CDH13: variants seen among roughly 807,000 people sequenced by gnomAD.
The protein encoded by CDH13 is cadherin-13.
In CDH13, 24 loss-of-function variants were observed where a neutral mutation model predicts 63.8. The observed-to-expected ratio is 0.38, with a 90% CI of 0.27 to 0.53. The LOEUF (loss-of-function observed/expected upper bound fraction) is 0.53, where lower values mean the gene tolerates loss of function less well. Among genes scored for constraint, CDH13 ranks in the 20% least tolerant of loss-of-function variants. The pLI, the probability that CDH13 is intolerant of heterozygous loss-of-function variation, is 0.85. For missense variants in CDH13, 1,049 were observed against 903.1 expected (o/e 1.16, Z -2.07); for synonymous variants, 503 against 355.3 (o/e 1.42, Z -4.67).
chr16:83,779,438 A>AAT (rs1915361434), intron 11 of CDH13, among the ~76,000 whole-genome samples: 1 of 143,514 alleles, frequency 7.0e-6, no homozygotes, highest in Non-Finnish European at 1.5e-5. Context: ...AAAAAAAAAA[A>AAT]GTCTTATATA....
chr16:82,686,388 G>T (rs2150968333), intron 1 of CDH13, among the ~76,000 whole-genome samples: 1 of 152,244 alleles, frequency 6.6e-6, no homozygotes, highest in South Asian at 2.1e-4. Flanking sequence ...AAATGCAGAG[G>T]GTCTTAGCAT....
At chr16:83,401,375 A>G (rs536473914) in intron 6 of CDH13, among the ~76,000 whole-genome samples, 1 of 151,566 alleles carries the variant, frequency 6.6e-6, no homozygotes. Flanking sequence ...ATAAAAAATT[A>G]AAAAATTAGC....
intron 10 of CDH13, among the ~76,000 whole-genome samples, chr16:83,706,787 G>T (rs549400264): frequency 6.6e-6 from 1 of 152,184 alleles, no homozygotes; most frequent in Non-Finnish European, 1.5e-5. Context: ...AGCGATCTAG[G>T]TTCCTGGGAT....
At chr16:83,514,940 G>A (rs1003475624) in intron 7 of CDH13, among the ~76,000 whole-genome samples, 1 of 152,154 alleles carries the variant, frequency 6.6e-6, no homozygotes, top group Admixed American at 6.5e-5. Context: ...AGTTACTGCA[G>A]CTCCTGGACA....
intron 4 of CDH13, among the ~76,000 whole-genome samples, chr16:83,197,430 T>C (rs1020740516): frequency 1.3e-5 from 2 of 152,208 alleles, no homozygotes; most frequent in African/African-American, 4.8e-5. Flanking sequence ...AATGTACAAT[T>C]GAATTATTAT....
At chr16:83,495,795 G>C (rs895106584) in intron 7 of CDH13, among the ~76,000 whole-genome samples, 1 of 152,148 alleles carries the variant, frequency 6.6e-6, no homozygotes. Context: ...GTCTTAGATA[G>C]GAATTTGGGC....
chr16:83,160,633 A>C (rs2037408886), intron 4 of CDH13, among the ~76,000 whole-genome samples: 1 of 152,162 alleles, frequency 6.6e-6, no homozygotes, highest in Non-Finnish European at 1.5e-5. Context: ...TAATCCTACA[A>C]ACCTCTCCAG....
rs1567731430 is a variant in CDH13, at chr16:83,000,220, C to CTTTTTTTTTTT, written c.158-31788_158-31787insTTTTTTTTTTT. 1.2e-4 allele frequency among the ~76,000 whole-genome samples: 4 copies of CTTTTTTTTTTT among 33,946 alleles called. 1 individual carries two copies. The highest frequency in any genetic ancestry group is 4.1e-4 in the African/African-American group (4 of 9,650). 22.3% of individuals were successfully genotyped at this position (33,946 alleles called of 152,430 possible). Reference sequence around the variant, plus strand: ...TCCCTAGGAATATCCACAGGTTTAGCTTATTTTTTTTTTTTTTTTTTTTTT... The same window carrying CTTTTTTTTTTT: ...TCCCTAGGAATATCCACAGGTTTAGCTTTTTTTTTTTTTATTTTTTTTTTTTTTTTTTTTTT... On this transcript the variant is annotated intron_variant, in intron 2 of 13. Coordinates refer to ENST00000567109, the MANE Select transcript of CDH13 (RefSeq NM_001257.5).
chr16:83,077,346 C>G (rs1335222590), intron 3 of CDH13, among the ~76,000 whole-genome samples: 1 of 151,598 alleles, frequency 6.6e-6, no homozygotes, highest in Non-Finnish European at 1.5e-5. Flanking sequence ...TGCACACCAC[C>G]ATGCCTGGCT....
chr16:83,119,764 A>G (rs1211921763), intron 3 of CDH13, among the ~76,000 whole-genome samples: 1 of 152,218 alleles, frequency 6.6e-6, no homozygotes, highest in Non-Finnish European at 1.5e-5. Flanking sequence ...CAAATCATGT[A>G]TGATGGTTCT....
chr16:83,149,116 G>T (rs1189864195), intron 4 of CDH13, among the ~76,000 whole-genome samples: 1 of 152,136 alleles, frequency 6.6e-6, no homozygotes, highest in African/African-American at 2.4e-5. Flanking sequence ...GTTACTCCAA[G>T]ATACAGTAGT....
intron 1 of CDH13, among the ~76,000 whole-genome samples, chr16:82,754,276 A>G (rs1209702561): frequency 2.0e-5 from 3 of 152,196 alleles, no homozygotes; most frequent in Non-Finnish European, 4.4e-5. Flanking sequence ...CTTCTCCTTG[A>G]TGATCATTCC....
chr16:83,281,024 T>A (rs762418609), intron 5 of CDH13, among the ~76,000 whole-genome samples: 2 of 152,222 alleles, frequency 1.3e-5, no homozygotes, highest in Non-Finnish European at 2.9e-5. Flanking sequence ...TTTGCTTCAA[T>A]TTTACCCCCT....
intron 8 of CDH13, among the ~76,000 whole-genome samples, chr16:83,632,911 C>T (rs989110822): frequency 6.6e-6 from 1 of 151,500 alleles, no homozygotes; most frequent in Admixed American, 6.6e-5. Flanking sequence ...GTTCCCAGAA[C>T]TGAGAGTTTC....
At chr16:82,672,857 C>G (rs1008089879) in intron 1 of CDH13, among the ~76,000 whole-genome samples, 1 of 151,950 alleles carries the variant, frequency 6.6e-6, no homozygotes, top group African/African-American at 2.4e-5. Flanking sequence ...CTGTGTTGCC[C>G]AGGCTGGAGT....
intron 5 of CDH13, among the ~76,000 whole-genome samples, chr16:83,312,250 C>G (rs372604269): frequency 6.6e-6 from 1 of 152,034 alleles, no homozygotes; most frequent in Non-Finnish European, 1.5e-5. Context: ...CAGATGCGGA[C>G]CAGCTCACAG....
At chr16:83,313,065 G>T (rs1196300105) in intron 5 of CDH13, among the ~76,000 whole-genome samples, 1 of 152,206 alleles carries the variant, frequency 6.6e-6, no homozygotes, top group Non-Finnish European at 1.5e-5. Flanking sequence ...GCTGTAGAAA[G>T]GATTGGCATC....
At chr16:83,679,357 T>TCATATG (rs1915217274) in intron 10 of CDH13, among the ~76,000 whole-genome samples, 1 of 152,204 alleles carries the variant, frequency 6.6e-6, no homozygotes, top group African/African-American at 2.4e-5. Context: ...AATCTTCTTC[T>TCATATG]CATATGAGGT....
chr16:83,464,764 C>T (rs901670036), intron 6 of CDH13, among the ~76,000 whole-genome samples: 1 of 152,168 alleles, frequency 6.6e-6, no homozygotes, highest in Non-Finnish European at 1.5e-5. Flanking sequence ...TTCTGAGATT[C>T]TGGGTAGACG....
Sources: gnomAD v4.1 joint callset for allele counts (sites outside exome capture counted in the v4.1 genomes callset) on GRCh38, gnomAD v4.1.1 for gene constraint, MANE v1.5 for transcripts, NCBI Gene and HGNC (gene_info 2026-07-23, HGNC 2026-07-21) for gene names.